The following FAM117B variants were observed in gnomAD, a reference collection of about 807,000 sequenced individuals.
The protein encoded by FAM117B is protein FAM117B.
FAM117B carries 22 observed loss-of-function variants against 52.8 expected under a neutral mutation model. The ratio of observed to expected loss-of-function variants is 0.42; its 90% CI spans 0.30 to 0.59. The LOEUF is 0.59. FAM117B is among the 20% of genes least tolerant of loss of function. The probability of loss-of-function intolerance (pLI) is 0.22; values close to 1 mark genes in which losing one functional copy is unlikely to be tolerated. For missense variants in FAM117B, 678 were observed against 802.6 expected (o/e 0.84, Z 1.88); for synonymous variants, 309 against 324.1 (o/e 0.95, Z 0.50).
chr2:202,748,634 A>G (rs1486590944), intron 4 of FAM117B, among the ~76,000 whole-genome samples: 1 of 152,066 alleles, frequency 6.6e-6, no homozygotes, highest in Non-Finnish European at 1.5e-5. Flanking sequence ...ATTTCTTAGA[A>G]GAGACAGATT....
intron 1 of FAM117B, among the ~76,000 whole-genome samples, chr2:202,674,403 C>T (rs958680327): frequency 5.9e-5 from 9 of 152,326 alleles, no homozygotes; most frequent in African/African-American, 2.2e-4. Context: ...AATTAAGGAA[C>T]TTAACCAGTT....
chr2:202,640,526 A>G (rs1028562443), intron 1 of FAM117B, among the ~76,000 whole-genome samples: 6 of 151,472 alleles, frequency 4.0e-5, no homozygotes, highest in Admixed American at 6.6e-5. Context: ...TTTGATGTCT[A>G]CTTTCTAGTA....
chr2:202,708,649 A>C (rs1353244351), intron 2 of FAM117B, among the ~76,000 whole-genome samples: 1 of 152,184 alleles, frequency 6.6e-6, no homozygotes, highest in Non-Finnish European at 1.5e-5. Flanking sequence ...TCTGTTGCGC[A>C]GGCTGAAATA....
chr2:202,671,759 C>T (rs756272181), intron 1 of FAM117B, among the ~76,000 whole-genome samples: 1 of 152,220 alleles, frequency 6.6e-6, no homozygotes, highest in Non-Finnish European at 1.5e-5. Flanking sequence ...GCCGCTCCCA[C>T]GCTGGTTCAC....
intron 4 of FAM117B, among the ~76,000 whole-genome samples, chr2:202,748,782 CCT>C (rs963336665): frequency 1.3e-5 from 2 of 152,060 alleles, no homozygotes; most frequent in African/African-American, 4.8e-5. Context: ...TCACCTCACC[CCT>C]GTTAGAATGG....
intron 4 of FAM117B, among the ~76,000 whole-genome samples, chr2:202,749,458 C>G (rs1186141065): frequency 6.6e-6 from 1 of 150,746 alleles, no homozygotes; most frequent in Non-Finnish European, 1.5e-5. Context: ...AAAAAAACCA[C>G]TGGGTTCAGA....
intron 5 of FAM117B, among the ~76,000 whole-genome samples, chr2:202,755,976 CA>C (rs1160092323): frequency 6.6e-6 from 1 of 152,166 alleles, no homozygotes; most frequent in Non-Finnish European, 1.5e-5. Context: ...CTCCAGTTAA[CA>C]AAAGTTTAGC....
intron 5 of FAM117B, among the ~76,000 whole-genome samples, chr2:202,756,096 C>G (rs553776688): frequency 1.3e-5 from 2 of 152,240 alleles, no homozygotes; most frequent in East Asian, 3.9e-4. Context: ...GGTTGACATG[C>G]TAGGCTATGT....
intron 1 of FAM117B, among the ~76,000 whole-genome samples, chr2:202,658,665 CTT>C (rs1029509447): frequency 6.6e-6 from 1 of 152,126 alleles, no homozygotes. Flanking sequence ...TTGTTTTACT[CTT>C]TTAGCTCTTC....
chr2:202,733,783 A>G (rs1253366590), intron 4 of FAM117B, among the ~76,000 whole-genome samples: 2 of 152,230 alleles, frequency 1.3e-5, no homozygotes, highest in Non-Finnish European at 2.9e-5. Flanking sequence ...ATATTGTTCA[A>G]ACACACATGT....
At chr2:202,739,433 T>G in intron 4 of FAM117B, among the ~76,000 whole-genome samples, 1 of 149,492 alleles carries the variant, frequency 6.7e-6, no homozygotes. Flanking sequence ...CTGTCTGTCC[T>G]TCCCTCCCCT....
At position 202,755,482 on chromosome 2, in the gene FAM117B, G is replaced by A. The variant is rs1691787093; in HGVS notation, c.961-56G>A. 4 of 1,584,504 alleles carry A rather than the reference G, an allele frequency of 2.5e-6. No homozygotes were observed. In the African/African-American group the frequency reaches 4.1e-5, roughly 16 times the overall value. The stretch of plus-strand genomic sequence containing the variant: ...TTATGTCTGTTGGAATTACGCTTCA[G>A]CCTAGAAAATTAAAAGGTAATGTTA... On this transcript the variant is annotated intron_variant, in intron 4 of 7. Coordinates refer to ENST00000392238, the MANE Select transcript of FAM117B (RefSeq NM_173511.4).
rs1180504203 is a variant in FAM117B at position 202,767,653 on chromosome 2, T to C, written c.*1889T>C. ...GTTAATATGTCAGCTTACCCAGACA[T>C]ATTCTATCAAGGAAAACCTAGTGGT... On this transcript the variant is annotated 3_prime_UTR_variant, in exon 8 of 8. Transcript: ENST00000392238. 1 of 152,208 alleles carries C rather than the reference T, an allele frequency of 6.6e-6. No individual in the cohort carries two copies. Among genetic ancestry groups the C allele is most frequent in the Non-Finnish European group, 1.5e-5 (1 of 68,044 alleles). The allele number at this position is 152,208 out of a possible 1,614,324, so 9.4% of individuals were successfully genotyped here.
intron 1 of FAM117B, among the ~76,000 whole-genome samples, chr2:202,670,299 CT>C (rs1031304228): frequency 8.0e-6 from 1 of 124,990 alleles, no homozygotes; most frequent in Non-Finnish European, 1.5e-5. Flanking sequence ...TTTTTTTTTT[CT>C]TTTTTTTTGA....
rs1457491560 is a variant in FAM117B, at chr2:202,635,802, G to T, written c.601+14G>T. On this transcript the variant is annotated intron_variant, in intron 1 of 7. Transcript: ENST00000392238. ...TTTGCAAAGCAGGTAAGTGCTGGGG[G>T]TCGCGCAGCAAGGGGGAGGCGGCTG... 7 of 1,428,584 alleles carry T rather than the reference G, an allele frequency of 4.9e-6. No homozygotes were observed. In the Middle Eastern group the frequency reaches 7.3e-4, roughly 150 times the overall value. The allele number at this position is 1,428,584 out of a possible 1,614,324, so 88.5% of individuals were successfully genotyped here.
At chr2:202,668,388 C>T (rs1000613571) in intron 1 of FAM117B, among the ~76,000 whole-genome samples, 3 of 148,138 alleles carry the variant, frequency 2.0e-5, no homozygotes, top group African/African-American at 7.4e-5. Flanking sequence ...CTGATCTGGG[C>T]ATAGTGGCGG....
chr2:202,711,257 T>C (rs1690952766), intron 2 of FAM117B, among the ~76,000 whole-genome samples: 1 of 152,204 alleles, frequency 6.6e-6, no homozygotes, highest in African/African-American at 2.4e-5. Flanking sequence ...CCATTTTAAC[T>C]GGGGTGAGAT....
At chr2:202,644,066 T>G (rs1002594441) in intron 1 of FAM117B, among the ~76,000 whole-genome samples, 29 of 84,604 alleles carry the variant, frequency 3.4e-4, no homozygotes, top group Non-Finnish European at 6.4e-4. Context: ...TTTTTTTTGT[T>G]TTTTTTTTTT....
At chr2:202,668,620 TAATA>T (rs60605421) in intron 1 of FAM117B, among the ~76,000 whole-genome samples, 65,150 of 146,816 alleles carry the variant, frequency 0.44, 15,559 homozygotes, top group Middle Eastern at 0.59. Context: ...ATCTTGTTCC[TAATA>T]AATAAATAAA....
Sources: allele counts gnomAD v4.1 joint callset (sites outside exome capture counted in the v4.1 genomes callset), GRCh38; gene constraint gnomAD v4.1.1; transcripts MANE v1.5; gene names NCBI Gene and HGNC (gene_info 2026-07-23, HGNC 2026-07-21).